Variants in COL6A6 observed in about 807,000 individuals in gnomAD.
The protein encoded by COL6A6 is collagen type VI alpha 6 chain.
Under a neutral mutation model 208.6 loss-of-function variants are expected in COL6A6, and 183 were observed. That is an observed-to-expected ratio of 0.88 (90% confidence interval 0.78 to 0.99). The LOEUF (loss-of-function observed/expected upper bound fraction) is 0.99. Among genes scored for constraint, COL6A6 ranks in the 50% least tolerant of loss-of-function variants. The pLI, the probability that COL6A6 is intolerant of heterozygous loss-of-function variation, is 0.00. For missense variants in COL6A6, 2,816 were observed against 2,815.2 expected (o/e 1.00, Z -0.01); for synonymous variants, 973 against 1,011.8 (o/e 0.96, Z 0.73).
In COL6A6 at chr3:130,531,035, CACAG is replaced by C. The variant is rs10575931; in HGVS notation, c.-32+13642_-32+13645del. Among the ~76,000 whole-genome samples the C allele has an allele frequency of 1.6e-3, 36 of 21,822 alleles. 1 individual carries two copies. Among genetic ancestry groups the C allele is most frequent in the South Asian group, 7.4e-3 (6 of 810 alleles). The allele number at this position is 21,822 out of a possible 152,430, so 14.3% of individuals were successfully genotyped here. A position where few individuals can be genotyped will look rare whatever the true frequency, so the allele number is the denominator to read the frequency against. ...TCCTCTACACACACACACACACACACACAGACACACACACACACACACACAGTCT... is the reference window on the plus strand; with the variant it reads ...TCCTCTACACACACACACACACACACACACACACACACACACACACAGTCT... On this transcript the variant is annotated intron_variant, in intron 1 of 36. Transcript: ENST00000358511.
intron 22 of COL6A6, 148 bp downstream of exon 22, chr3:130,609,112 T>C (rs2064275165): frequency 1.6e-6 from 1 of 640,002 alleles, no homozygotes; most frequent in Non-Finnish European, 2.7e-6. Flanking sequence ...AGCAACACAG[T>C]TTGGACTCAT....
Position 130,568,198 on chromosome 3 carries a change from G to C in COL6A6, c.1995G>C (p.Gln665His). ...ATCGGGTGCAAATTGGTGTAGTCCA[G>C]TTCAGCGACATCAATAAGGAAGAGT... ...GPDRVQIGVVQFSDINKEEFQ... is the reference protein window; with the variant it reads ...GPDRVQIGVVHFSDINKEEFQ... The change falls in exon 6 of 37, where the codon CAG becomes CAC. Residue 665 changes from glutamine (Q) to histidine (H), a missense_variant. Gln to His is a conservative substitution (Grantham distance 24). Transcript: ENST00000358511. The C allele has an allele frequency of 1.9e-6, 3 of 1,614,002 alleles. No homozygotes were observed. The highest frequency in any genetic ancestry group is 2.5e-6 in the Non-Finnish European group (3 of 1,179,896).
chr3:130,670,046 G>A (rs1394332027), intron 36 of COL6A6, among the ~76,000 whole-genome samples: 1 of 152,218 alleles, frequency 6.6e-6, no homozygotes, highest in African/African-American at 2.4e-5. Context: ...AGTAGCCCCA[G>A]CTCTGTCACC....
chr3:130,555,975 C>T (rs549265145), intron 1 of COL6A6, among the ~76,000 whole-genome samples: 1 of 152,034 alleles, frequency 6.6e-6, no homozygotes, highest in East Asian at 1.9e-4. Context: ...TTAGTGTGAC[C>T]ATCAACCAAG....
chr3:130,600,389 C>T (rs1368318714), intron 20 of COL6A6, among the ~76,000 whole-genome samples: 1 of 152,164 alleles, frequency 6.6e-6, no homozygotes, highest in Non-Finnish European at 1.5e-5. Context: ...GAATATAAAT[C>T]ATTCTACTAG....
chr3:130,606,582 G>T (rs1374552962), intron 20 of COL6A6, among the ~76,000 whole-genome samples: 1 of 152,072 alleles, frequency 6.6e-6, no homozygotes, highest in Non-Finnish European at 1.5e-5. Context: ...AAAAATAAAA[G>T]AAATAAAATT....
At chr3:130,637,838 T>G (rs1345466936) in intron 28 of COL6A6, among the ~76,000 whole-genome samples, 1 of 152,166 alleles carries the variant, frequency 6.6e-6, no homozygotes, top group Admixed American at 6.5e-5. Flanking sequence ...TTTCCCACCT[T>G]TAAAAGCACG....
At chr3:130,530,139 C>A (rs2062049047) in intron 1 of COL6A6, among the ~76,000 whole-genome samples, 1 of 152,252 alleles carries the variant, frequency 6.6e-6, no homozygotes, top group Non-Finnish European at 1.5e-5. Flanking sequence ...AGGGTATGGA[C>A]TCTGAAGCCA....
At position 130,571,100 on chromosome 3, in the gene COL6A6, C is replaced by G. The variant is rs764743123; in HGVS notation, c.2684C>G (p.Ser895Ter). ...STYTAEALGF[S>*]DHMFTEARGS... is the part of the protein sequence containing the mutation. The stretch of plus-strand genomic sequence containing the variant: ...TATACTGCTGAGGCACTGGGCTTCT[C>G]AGACCACATGTTCACTGAAGCCCGG... Residue 895 changes from serine to a stop codon, truncating the protein, a stop_gained, in exon 7 of 37, where the codon TCA becomes TGA. Transcript: ENST00000358511. LOFTEE classifies it high-confidence loss of function. 1 of 1,613,778 alleles carries G rather than the reference C, an allele frequency of 6.2e-7. No individual in the cohort carries two copies. The highest frequency in any genetic ancestry group is 8.5e-7 in the Non-Finnish European group (1 of 1,179,822).
At chr3:130,585,635 G>A (rs536172851) in intron 10 of COL6A6, among the ~76,000 whole-genome samples, 5 of 152,106 alleles carry the variant, frequency 3.3e-5, no homozygotes, top group Admixed American at 6.6e-5. Flanking sequence ...TGAAATAATT[G>A]TATTCATAAA....
At chr3:130,560,527 T>C in intron 2 of COL6A6, 99 bp downstream of exon 2, 1 of 1,009,500 alleles carries the variant, frequency 9.9e-7, no homozygotes, top group Non-Finnish European at 1.5e-6. Context: ...TATCACTTTG[T>C]TTTGATTTTG....
At chr3:130,609,754 A>ATAGTTAAAAAAAG (rs1302014494) in intron 22 of COL6A6, among the ~76,000 whole-genome samples, 2 of 152,134 alleles carry the variant, frequency 1.3e-5, no homozygotes, top group African/African-American at 2.4e-5. Flanking sequence ...TTTAATCCAC[A>ATAGTTAAAAAAAG]TAGTTAAAAA....
chr3:130,545,421 AG>A (rs2062467265), intron 1 of COL6A6, among the ~76,000 whole-genome samples: 1 of 149,768 alleles, frequency 6.7e-6, no homozygotes, highest in Non-Finnish European at 1.5e-5. Flanking sequence ...GCTCCAAGTG[AG>A]GGTTTTCCAC....
At chr3:130,565,725 T>C in intron 4 of COL6A6, 111 bp downstream of exon 4, 2 of 1,260,744 alleles carry the variant, frequency 1.6e-6, no homozygotes, top group South Asian at 1.7e-5. Context: ...GAAGGATAAG[T>C]TCCTAATTCT....
chr3:130,647,885 G>A (rs567110613), intron 32 of COL6A6, among the ~76,000 whole-genome samples: 3 of 152,286 alleles, frequency 2.0e-5, no homozygotes, highest in African/African-American at 7.2e-5. Flanking sequence ...GGCATCTCAC[G>A]TATTATTAAA....
intron 1 of COL6A6, among the ~76,000 whole-genome samples, chr3:130,538,096 A>G (rs186693761): frequency 2.3e-3 from 354 of 152,364 alleles, no homozygotes; most frequent in Non-Finnish European, 4.1e-3. Flanking sequence ...GCCTCAAGGA[A>G]AGCAATATGA....
At chr3:130,635,560 C>T in intron 27 of COL6A6, 139 bp from the exon 28 acceptor site, 2 of 617,380 alleles carry the variant, frequency 3.2e-6, no homozygotes, top group South Asian at 2.1e-5. Flanking sequence ...GAAACACACA[C>T]ACTCACACTC....
At chr3:130,645,103 AT>A in intron 32 of COL6A6, 101 bp downstream of exon 32, 1 of 1,130,192 alleles carries the variant, frequency 8.8e-7, no homozygotes, top group Non-Finnish European at 1.3e-6. Context: ...AATGACACAA[AT>A]TTTATCTGGG....
Position 130,621,833 on chromosome 3 carries a change from C to CCTCT in COL6A6, c.4829_4830insTCTC (p.Gly1611LeufsTer17). The CCTCT allele has an allele frequency of 6.2e-7, 1 of 1,613,780 alleles. No individual in the cohort carries two copies. Among genetic ancestry groups the CCTCT allele is most frequent in the African/African-American group, 1.3e-5 (1 of 75,016 alleles). The stretch of plus-strand genomic sequence containing the variant: ...TGTTTTGTTTCAGGGGCCTCCAGGA[C>CCTCT]CCGGAGGAGAGGCAGGGAATCAAGG... On this transcript the variant is annotated frameshift_variant, in exon 24 of 37. Transcript: ENST00000358511. LOFTEE classifies it high-confidence loss of function.
Sources: gnomAD v4.1 joint callset for allele counts (sites outside exome capture counted in the v4.1 genomes callset) on GRCh38, gnomAD v4.1.1 for gene constraint, MANE v1.5 for transcripts, NCBI Gene and HGNC (gene_info 2026-07-23, HGNC 2026-07-21) for gene names.